Variants in IL1RAPL1 observed in about 807,000 individuals in gnomAD.
The protein encoded by IL1RAPL1 is interleukin-1 receptor accessory protein-like 1.
A neutral mutation model predicts 48.4 loss-of-function variants in IL1RAPL1; 3 were observed. The ratio of observed to expected loss-of-function variants is 0.06; its 90% CI spans 0.03 to 0.16. IL1RAPL1 has a LOEUF of 0.16. Among genes scored for constraint, IL1RAPL1 ranks in the 10% least tolerant of loss-of-function variants. The pLI is 1.00. For missense variants in IL1RAPL1, 349 were observed against 530.6 expected, an observed-to-expected ratio of 0.66 and a Z score of 3.36; for synonymous variants, 185 against 187.7, an observed-to-expected ratio of 0.99 and a Z score of 0.12.
At chrX:29,802,014 C>T (rs1253609833) in intron 6 of IL1RAPL1, among the ~76,000 whole-genome samples, 1 of 111,982 alleles carries the variant, frequency 8.9e-6, no homozygotes, top group Non-Finnish European at 1.9e-5. Flanking sequence ...TAGTTTTAAA[C>T]ACTTAAATAT....
At chrX:29,580,402 G>C (rs1922924915) in intron 5 of IL1RAPL1, among the ~76,000 whole-genome samples, 1 of 111,443 alleles carries the variant, frequency 9.0e-6, no homozygotes, top group Admixed American at 9.6e-5. Context: ...CACATGGATA[G>C]CTAGCTCTAC....
chrX:28,799,625 A>G (rs1280379917), intron 2 of IL1RAPL1, among the ~76,000 whole-genome samples: 1 of 112,359 alleles, frequency 8.9e-6, no homozygotes, highest in African/African-American at 3.2e-5. Flanking sequence ...GGTGTTTGAC[A>G]TGTAACACTC....
intron 5 of IL1RAPL1, among the ~76,000 whole-genome samples, chrX:29,568,228 A>G (rs1266777613): frequency 4.5e-4 from 26 of 58,007 alleles, no homozygotes; most frequent in East Asian, 2.5e-3. Context: ...AAGATCAAGA[A>G]TAACAGATTA....
rs35793039 is a variant in IL1RAPL1, at chrX:29,816,978, GTATA to G, written c.779-100470_779-100467del. On this transcript the variant is annotated intron_variant, in intron 6 of 10. Coordinates refer to ENST00000378993, the MANE Select transcript of IL1RAPL1 (RefSeq NM_014271.4). The stretch of plus-strand genomic sequence containing the variant: ...TATATATCCTCTACTTTATGTGTGT[GTATA>G]TATATATATATATATCTCCTCTGCT... 8.6e-3 allele frequency among the ~76,000 whole-genome samples: 896 copies of G among 104,555 alleles called. 7 individuals carry two copies. The highest frequency in any genetic ancestry group is 0.03 in the African/African-American group (860 of 28,955). 90.8% of individuals were successfully genotyped at this position (104,555 alleles called of 115,157 possible). A position where few individuals can be genotyped will look rare whatever the true frequency, so the allele number is the denominator to read the frequency against.
intron 5 of IL1RAPL1, among the ~76,000 whole-genome samples, chrX:29,586,088 T>C (rs1923149313): frequency 8.9e-6 from 1 of 111,976 alleles, no homozygotes; most frequent in Admixed American, 9.5e-5. Flanking sequence ...TGGTTGCCTA[T>C]GCTTTTGGTG....
At chrX:28,864,848 A>G (rs763290305) in intron 2 of IL1RAPL1, among the ~76,000 whole-genome samples, 1 of 111,319 alleles carries the variant, frequency 9.0e-6, no homozygotes, top group Non-Finnish European at 1.9e-5. Context: ...GAACATCATT[A>G]AAGTTTTCCC....
chrX:29,536,798 T>C (rs1371155187), intron 5 of IL1RAPL1, among the ~76,000 whole-genome samples: 1 of 109,501 alleles, frequency 9.1e-6, no homozygotes, highest in African/African-American at 3.3e-5. Context: ...TAGGAAAATA[T>C]TTGAGTAGGT....
intron 3 of IL1RAPL1, among the ~76,000 whole-genome samples, chrX:29,367,799 G>A (rs1373813759): frequency 1.8e-5 from 2 of 109,049 alleles, no homozygotes; most frequent in African/African-American, 3.3e-5. Context: ...GGCTGGTCTC[G>A]AACTCCTGAT....
At chrX:29,528,219 T>G (rs990887238) in intron 5 of IL1RAPL1, among the ~76,000 whole-genome samples, 2 of 112,554 alleles carry the variant, frequency 1.8e-5, no homozygotes, top group African/African-American at 6.5e-5. Context: ...CATTGCAGCA[T>G]TATTTGTAAT....
At chrX:29,282,336 A>C (rs1932215495) in intron 2 of IL1RAPL1, among the ~76,000 whole-genome samples, 1 of 112,245 alleles carries the variant, frequency 8.9e-6, no homozygotes, top group Admixed American at 9.4e-5. Context: ...GAATGGCAGA[A>C]ATCGCTAAGT....
chrX:29,167,491 AT>A (rs1929809718), intron 2 of IL1RAPL1, among the ~76,000 whole-genome samples: 1 of 110,150 alleles, frequency 9.1e-6, no homozygotes, highest in Non-Finnish European at 1.9e-5. Context: ...TTTAAATTGC[AT>A]TTTATGGCCT....
chrX:29,068,635 A>G (rs1049960704), intron 2 of IL1RAPL1, among the ~76,000 whole-genome samples: 16 of 112,573 alleles, frequency 1.4e-4, no homozygotes, highest in Non-Finnish European at 2.4e-4. Context: ...AGAGCATGAA[A>G]TAATTAAAGT....
At chrX:28,841,694 GT>G (rs1157526538) in intron 2 of IL1RAPL1, among the ~76,000 whole-genome samples, 1 of 110,550 alleles carries the variant, frequency 9.0e-6, no homozygotes, top group Non-Finnish European at 1.9e-5. Flanking sequence ...GTAAGTGGTA[GT>G]TTGAGATAAA....
chrX:28,875,169 TAGAA>T (rs1248133016), intron 2 of IL1RAPL1, among the ~76,000 whole-genome samples: 1 of 112,219 alleles, frequency 8.9e-6, no homozygotes, highest in Non-Finnish European at 1.9e-5. Context: ...AATATATGGA[TAGAA>T]AGAGCACATT....
At chrX:28,869,611 G>A (rs1307713784) in intron 2 of IL1RAPL1, among the ~76,000 whole-genome samples, 3 of 111,897 alleles carry the variant, frequency 2.7e-5, no homozygotes, top group African/African-American at 9.7e-5. Context: ...TTTTAATTAA[G>A]ATGGAATTCA....
At chrX:29,866,943 A>G (rs1931706668) in intron 6 of IL1RAPL1, among the ~76,000 whole-genome samples, 1 of 110,785 alleles carries the variant, frequency 9.0e-6, no homozygotes, top group African/African-American at 3.3e-5. Flanking sequence ...GCATCATACA[A>G]TGTGCATAGT....
At chrX:29,566,420 A>G (rs1922409284) in intron 5 of IL1RAPL1, among the ~76,000 whole-genome samples, 1 of 108,845 alleles carries the variant, frequency 9.2e-6, no homozygotes, top group South Asian at 3.7e-4. Context: ...ACATAGTGAA[A>G]CTCCATCTCA....
intron 3 of IL1RAPL1, among the ~76,000 whole-genome samples, chrX:29,393,333 G>A (rs1242090977): frequency 8.9e-6 from 1 of 112,005 alleles, no homozygotes; most frequent in Non-Finnish European, 1.9e-5. Context: ...ATGTTAGCCA[G>A]GATGGTCTCG....
At chrX:29,915,997 G>GTGTT (rs1278774389) in intron 6 of IL1RAPL1, among the ~76,000 whole-genome samples, 1 of 97,448 alleles carries the variant, frequency 1.0e-5, no homozygotes, top group East Asian at 3.3e-4. Flanking sequence ...AGAATATGTG[G>GTGTT]TGTTTGGTTT....
Sources: gnomAD v4.1 joint callset for allele counts (sites outside exome capture counted in the v4.1 genomes callset) on GRCh38, gnomAD v4.1.1 for gene constraint, MANE v1.5 for transcripts, NCBI Gene and HGNC (gene_info 2026-07-23, HGNC 2026-07-21) for gene names.